Variants in EPB41L4B observed in about 807,000 individuals in gnomAD.
The protein encoded by EPB41L4B is erythrocyte membrane protein band 4.1 like 4B, also known as band 4.1-like protein 4B.
A neutral mutation model predicts 112.5 loss-of-function variants in EPB41L4B; 30 were observed. That is an observed-to-expected ratio of 0.27 (90% CI 0.20 to 0.36). The LOEUF (loss-of-function observed/expected upper bound fraction) is 0.36, where lower values mean the gene tolerates loss of function less well. EPB41L4B is among the 10% of genes least tolerant of loss of function. The pLI is 1.00. For synonymous variants in EPB41L4B, 408 were observed against 439.7 expected, an observed-to-expected ratio of 0.93 and a Z score of 0.90; for missense variants, 1,024 against 1,133.3, an observed-to-expected ratio of 0.90 and a Z score of 1.38.
intron 20 of EPB41L4B, among the ~76,000 whole-genome samples, chr9:109,199,878 G>C (rs887680127): frequency 6.6e-6 from 1 of 152,168 alleles, no homozygotes; most frequent in African/African-American, 2.4e-5. Flanking sequence ...CAAGCCTGCA[G>C]ATGAGACCGC....
At chr9:109,268,620 C>T (rs10816794) in intron 2 of EPB41L4B, among the ~76,000 whole-genome samples, 187 bp from the exon 3 acceptor site, 71,192 of 151,878 alleles carry the variant, frequency 0.47, 16,923 homozygotes, top group East Asian at 0.67. Flanking sequence ...CAACGTTGGC[C>T]GGGCGCGGTG....
In EPB41L4B at chr9:109,174,367, A is replaced by G; in HGVS notation, c.*187T>C. The G allele has an allele frequency of 1.7e-6, 1 of 577,154 alleles. No homozygotes were observed. Among genetic ancestry groups the G allele is most frequent in the South Asian group, 2.2e-5 (1 of 45,476 alleles). 35.8% of individuals were successfully genotyped at this position (577,154 alleles called of 1,614,324 possible). A position where few individuals can be genotyped will look rare whatever the true frequency, so the allele number is the denominator to read the frequency against. On this transcript the variant is annotated 3_prime_UTR_variant, in exon 26 of 26. Coordinates refer to ENST00000374566, the MANE Select transcript of EPB41L4B (RefSeq NM_019114.5). ...CTACATAGAGTAATAGAAAAACTCT[A>G]ATGCTTAGGAGACATAAAATAACTT...
chr9:109,191,053 C>T (rs1378955995), intron 22 of EPB41L4B, among the ~76,000 whole-genome samples: 2 of 152,176 alleles, frequency 1.3e-5, no homozygotes, highest in African/African-American at 4.8e-5. Flanking sequence ...CTGCTGCTTG[C>T]ATTTCTGATG....
chr9:109,273,520 T>G (rs1319681468), intron 2 of EPB41L4B, among the ~76,000 whole-genome samples: 1 of 152,178 alleles, frequency 6.6e-6, no homozygotes, highest in African/African-American at 2.4e-5. Flanking sequence ...GTGCTGGGAT[T>G]ACAGACGTGA....
intron 6 of EPB41L4B, among the ~76,000 whole-genome samples, chr9:109,258,498 C>T (rs1835066485): frequency 6.6e-6 from 1 of 152,214 alleles, no homozygotes; most frequent in African/African-American, 2.4e-5. Flanking sequence ...CTAATGTCCT[C>T]CCTGTTGGGT....
intron 23 of EPB41L4B, among the ~76,000 whole-genome samples, chr9:109,184,272 T>C (rs1279325709): frequency 6.6e-6 from 1 of 152,188 alleles, no homozygotes; most frequent in African/African-American, 2.4e-5. Context: ...CAGGCTGGAG[T>C]GCAGTGGCGC....
At chr9:109,200,770 T>G (rs1043912963) in intron 19 of EPB41L4B, among the ~76,000 whole-genome samples, 1 of 151,696 alleles carries the variant, frequency 6.6e-6, no homozygotes, top group Non-Finnish European at 1.5e-5. Context: ...GCACAGACTA[T>G]ATTTTTTTTT....
chr9:109,266,138 A>T (rs755993531), intron 4 of EPB41L4B, among the ~76,000 whole-genome samples: 4 of 152,226 alleles, frequency 2.6e-5, no homozygotes, highest in Non-Finnish European at 5.9e-5. Context: ...AGAACTCTTG[A>T]TTCCTATAAG....
intron 1 of EPB41L4B, among the ~76,000 whole-genome samples, chr9:109,294,537 T>C (rs768576892): frequency 1.3e-5 from 2 of 151,824 alleles, no homozygotes; most frequent in African/African-American, 2.4e-5. Context: ...AGATTGAGGA[T>C]TGCTTGAGAC....
chr9:109,276,187 AC>A (rs1234853561), intron 2 of EPB41L4B, among the ~76,000 whole-genome samples: 11 of 150,528 alleles, frequency 7.3e-5, no homozygotes, highest in South Asian at 2.1e-4. Flanking sequence ...ACACACACAC[AC>A]ACACACACAC....
intron 14 of EPB41L4B, among the ~76,000 whole-genome samples, chr9:109,246,401 C>T (rs1360741464): frequency 2.0e-5 from 3 of 152,152 alleles, no homozygotes; most frequent in African/African-American, 7.2e-5. Flanking sequence ...CTCAAGTGAT[C>T]CTCTTGCCTT....
chr9:109,318,734 G>T lies in EPB41L4B; in HGVS notation c.306+1407C>A, dbSNP rs543117329. The stretch of plus-strand genomic sequence containing the variant: ...AGTAACATTTTTATGCTATTTTAAA[G>T]GCAACAGCTCTAAGCACCCGAATGT... On this transcript the variant is annotated intron_variant, in intron 1 of 25. Coordinates refer to ENST00000374566, the MANE Select transcript of EPB41L4B (RefSeq NM_019114.5). Among the ~76,000 whole-genome samples, 2 of 152,240 alleles carry T rather than the reference G, an allele frequency of 1.3e-5. 1 individual carries two copies. Among genetic ancestry groups the T allele is most frequent in the South Asian group, 4.1e-4 (2 of 4,820 alleles).
intron 15 of EPB41L4B, among the ~76,000 whole-genome samples, chr9:109,236,040 C>T (rs563859763): frequency 1.3e-5 from 2 of 152,312 alleles, no homozygotes; most frequent in East Asian, 3.9e-4. Context: ...ACACTGTGGA[C>T]CCTTTAATCC....
rs1554750150 is a variant in EPB41L4B at position 109,226,626 on chromosome 9, A to ATG, written c.1410-9482_1410-9481insCA. 1.4e-3 allele frequency among the ~76,000 whole-genome samples: 185 copies of ATG among 132,220 alleles called. 2 individuals carry two copies. The highest frequency in any genetic ancestry group is 3.6e-3 in the African/African-American group (123 of 34,408). The allele number at this position is 132,220 out of a possible 152,430, so 86.7% of individuals were successfully genotyped here. A position where few individuals can be genotyped will look rare whatever the true frequency, so the allele number is the denominator to read the frequency against. ...ATTTTTCATATATATATATATATATATATGAAGAATATATATATATATGAA... is the reference window on the plus strand; with the variant it reads ...ATTTTTCATATATATATATATATATATGTATGAAGAATATATATATATATGAA... On this transcript the variant is annotated intron_variant, in intron 15 of 25. Coordinates refer to ENST00000374566, the MANE Select transcript of EPB41L4B (RefSeq NM_019114.5).
rs576885112 is a variant in EPB41L4B, at chr9:109,281,163, A to G, written c.307-1242T>C. On this transcript the variant is annotated intron_variant, in intron 1 of 25. Transcript: ENST00000374566. ...TTTTTGCTTCAAAGGACATGGAGAC[A>G]TGAAGTGCAGACAACCCAGATGGGA... Among the ~76,000 whole-genome samples the G allele has an allele frequency of 2.0e-5, 3 of 151,710 alleles. No individual in the cohort carries two copies. In the South Asian group the frequency reaches 6.3e-4, roughly 32 times the overall value.
At chr9:109,256,736 A>T (rs1257419958) in intron 7 of EPB41L4B, among the ~76,000 whole-genome samples, 1 of 152,246 alleles carries the variant, frequency 6.6e-6, no homozygotes, top group Non-Finnish European at 1.5e-5. Flanking sequence ...TGAGGTCAGG[A>T]GTTCGAGACC....
intron 20 of EPB41L4B, among the ~76,000 whole-genome samples, chr9:109,197,758 T>C (rs1248215951): frequency 1.3e-5 from 2 of 148,706 alleles, no homozygotes; most frequent in South Asian, 2.1e-4. Context: ...AGGCGAAGGT[T>C]GCAGTGAGCC....
chr9:109,279,867 C>T lies in EPB41L4B; in HGVS notation c.361G>A (p.Val121Met). The change falls in exon 2 of 26, where the codon GTG becomes ATG. Residue 121 changes from valine (V) to methionine (M), a missense_variant. By Grantham distance (21) the Val-to-Met change is conservative (BLOSUM62 1). Transcript: ENST00000374566. ...FDQIVYHLDLVETDYFGLQFL... is the reference protein window; with the variant it reads ...FDQIVYHLDLMETDYFGLQFL... ...TGGAGGCCAAAGTAATCTGTTTCCA[C>T]AAGGTCCAAGTGGTACACAATCTGA... The T allele has an allele frequency of 6.2e-7, 1 of 1,614,094 alleles. No individual in the cohort carries two copies.
In EPB41L4B at chr9:109,176,672, G is replaced by A; in HGVS notation, c.2512C>T (p.Gln838Ter). The change falls in exon 25 of 26, where the codon CAG (glutamine) becomes TAG (stop). Residue 838 changes from glutamine (Q) to a stop codon, truncating the protein, a stop_gained. Coordinates refer to ENST00000374566, the MANE Select transcript of EPB41L4B (RefSeq NM_019114.5). LOFTEE classifies it high-confidence loss of function. ...GGGGAAGTCGGGCCAGGACAGCACT[G>A]TAATTTACTGTCTCTGAAGTCTGCC... The part of the protein sequence containing the change: ...FTADFRDSKL[Q>*]CCPGPTSPLI... The A allele has an allele frequency of 6.2e-7, 1 of 1,613,232 alleles. No homozygotes were observed. Among genetic ancestry groups the A allele is most frequent in the Non-Finnish European group, 8.5e-7 (1 of 1,179,806 alleles).
Sources: gnomAD v4.1 joint callset for allele counts (sites outside exome capture counted in the v4.1 genomes callset) on GRCh38, gnomAD v4.1.1 for gene constraint, MANE v1.5 for transcripts, NCBI Gene and HGNC (gene_info 2026-07-23, HGNC 2026-07-21) for gene names.